AHCYL2: variants seen among roughly 807,000 people sequenced by gnomAD.
AHCYL2 encodes adenosylhomocysteinase like 2, also known as S-adenosylhomocysteine hydrolase-like protein 2.
A neutral mutation model predicts 81.4 loss-of-function variants in AHCYL2; 28 were observed. The ratio of observed to expected loss-of-function variants is 0.34; its 90% CI spans 0.25 to 0.47. The LOEUF (loss-of-function observed/expected upper bound fraction) is 0.47, where lower values mean the gene tolerates loss of function less well. AHCYL2 is among the 20% of genes least tolerant of loss of function. The pLI is 1.00. For missense variants in AHCYL2, 551 were observed against 785.1 expected, an observed-to-expected ratio of 0.70 and a Z score of 3.56; for synonymous variants, 272 against 290.2, an observed-to-expected ratio of 0.94 and a Z score of 0.64.
In AHCYL2 at chr7:129,389,151, A is replaced by G. The variant is rs988816413; in HGVS notation, c.571A>G (p.Ile191Val). ...AAGCAGTGACTTCTGTGTTAAGAAC[A>G]TCAAACAGGCAGAGTTTGGACGAAG... is the stretch of plus-strand genomic sequence containing the variant. Reference protein sequence around the residue: ...KGSSDFCVKNIKQAEFGRREI... With the variant: ...KGSSDFCVKNVKQAEFGRREI... The change falls in exon 3 of 17, where the codon ATC becomes GTC. Residue 191 changes from isoleucine to valine, a missense_variant. Ile to Val is a conservative substitution (Grantham distance 29). Coordinates refer to ENST00000325006, the MANE Select transcript of AHCYL2 (RefSeq NM_015328.4). The G allele has an allele frequency of 4.3e-6, 7 of 1,614,032 alleles. No individual in the cohort carries two copies. The highest frequency in any genetic ancestry group is 3.3e-5 in the Admixed American group (2 of 60,010).
Position 129,349,061 on chromosome 7 carries a change from CTTT to C in AHCYL2, c.364-30575_364-30573del, listed in dbSNP as rs1793459740. Among the ~76,000 whole-genome samples, 6 of 152,250 alleles carry C rather than the reference CTTT, an allele frequency of 3.9e-5. No individual in the cohort carries two copies. In the South Asian group the frequency reaches 1.2e-3, roughly 32 times the overall value. On this transcript the variant is annotated intron_variant, in intron 1 of 16. Coordinates refer to ENST00000325006, the MANE Select transcript of AHCYL2 (RefSeq NM_015328.4). ...TCTGGCTGACTTTTATTCCTCACAA[CTTT>C]TATCTTTTCTAAATATATCATGTCT...
intron 2 of AHCYL2, among the ~76,000 whole-genome samples, chr7:129,381,266 C>A (rs1432654580): frequency 6.6e-6 from 1 of 152,106 alleles, no homozygotes; most frequent in Non-Finnish European, 1.5e-5. Context: ...ACATATCCAA[C>A]TATATTCCTG....
intron 1 of AHCYL2, among the ~76,000 whole-genome samples, chr7:129,320,769 C>G (rs1797986525): frequency 6.6e-6 from 1 of 152,140 alleles, no homozygotes; most frequent in Non-Finnish European, 1.5e-5. Flanking sequence ...ATTCCCCTAC[C>G]CATTAGTGGT....
At chr7:129,375,223 G>A (rs1794622001) in intron 1 of AHCYL2, among the ~76,000 whole-genome samples, 1 of 152,194 alleles carries the variant, frequency 6.6e-6, no homozygotes, top group Admixed American at 6.5e-5. Context: ...GCAGTGAACT[G>A]AGAAAATTGA....
chr7:129,402,019 T>A (rs984430703), intron 6 of AHCYL2, among the ~76,000 whole-genome samples: 12 of 152,192 alleles, frequency 7.9e-5, no homozygotes, highest in African/African-American at 2.9e-4. Flanking sequence ...CAGCATTCAT[T>A]AAGTAAATCT....
intron 1 of AHCYL2, among the ~76,000 whole-genome samples, chr7:129,338,642 C>T (rs1793049502): frequency 6.6e-6 from 1 of 152,172 alleles, no homozygotes. Flanking sequence ...TTTCAATTTA[C>T]ATTTCTCTTT....
At chr7:129,236,409 CAGG>C (rs1794645971) in intron 1 of AHCYL2, among the ~76,000 whole-genome samples, 1 of 151,848 alleles carries the variant, frequency 6.6e-6, no homozygotes, top group Admixed American at 6.6e-5. Flanking sequence ...CGGTGTTGCC[CAGG>C]ATGGTCTTGA....
At chr7:129,343,428 C>T (rs547152839) in intron 1 of AHCYL2, among the ~76,000 whole-genome samples, 2 of 152,244 alleles carry the variant, frequency 1.3e-5, no homozygotes, top group South Asian at 4.1e-4. Context: ...ATTAAGGCAC[C>T]TTCCCTGCTA....
At chr7:129,336,186 G>A (rs965547870) in intron 1 of AHCYL2, among the ~76,000 whole-genome samples, 3 of 149,004 alleles carry the variant, frequency 2.0e-5, no homozygotes, top group Non-Finnish European at 4.4e-5. Flanking sequence ...TCCTGCCTCA[G>A]CCTCCCAAGT....
intron 1 of AHCYL2, among the ~76,000 whole-genome samples, chr7:129,242,294 T>C (rs1262866834): frequency 1.3e-5 from 2 of 151,870 alleles, no homozygotes; most frequent in African/African-American, 4.8e-5. Flanking sequence ...CTTCCTAACG[T>C]GTTGGGATTC....
At chr7:129,276,145 A>G (rs1286061482) in intron 1 of AHCYL2, among the ~76,000 whole-genome samples, 3 of 151,904 alleles carry the variant, frequency 2.0e-5, no homozygotes, top group African/African-American at 7.2e-5. Context: ...CAAAGAAAAA[A>G]TAATAATGGA....
intron 1 of AHCYL2, among the ~76,000 whole-genome samples, chr7:129,339,957 C>T (rs1161558603): frequency 1.7e-4 from 20 of 120,580 alleles, no homozygotes; most frequent in South Asian, 5.1e-4. Flanking sequence ...CTCGCTCCGT[C>T]GCCCAGGCTG....
chr7:129,328,446 G>A (rs1343877479), intron 1 of AHCYL2, among the ~76,000 whole-genome samples: 2 of 152,012 alleles, frequency 1.3e-5, no homozygotes, highest in Non-Finnish European at 2.9e-5. Flanking sequence ...AAAGCGCTGG[G>A]ATTACAGGCT....
chr7:129,246,011 T>C (rs1018324693), intron 1 of AHCYL2, among the ~76,000 whole-genome samples: 4 of 152,206 alleles, frequency 2.6e-5, no homozygotes, highest in Non-Finnish European at 5.9e-5. Context: ...ACAACACTTA[T>C]TTCGTTTTTT....
rs183025363 is a variant in AHCYL2, at chr7:129,378,172, C to A, written c.364-1466C>A. Among the ~76,000 whole-genome samples the A allele has an allele frequency of 3.4e-3, 523 of 152,112 alleles. 5 individuals carry two copies. Among genetic ancestry groups the A allele is most frequent in the Non-Finnish European group, 5.0e-3 (343 of 67,974 alleles). ...ACTAAAAATACAAAAATTAGCTGGGCATGGTGGCACACACCTGTACTCCCA... is the reference window on the plus strand; with the variant it reads ...ACTAAAAATACAAAAATTAGCTGGGAATGGTGGCACACACCTGTACTCCCA... On this transcript the variant is annotated intron_variant, in intron 1 of 16. Coordinates refer to ENST00000325006, the MANE Select transcript of AHCYL2 (RefSeq NM_015328.4).
At chr7:129,408,366 G>A (rs754253478) in intron 10 of AHCYL2, among the ~76,000 whole-genome samples, 15 of 152,094 alleles carry the variant, frequency 9.9e-5, no homozygotes, top group Non-Finnish European at 1.6e-4. Context: ...TGAAAGAGAC[G>A]TTTATGGAAT....
chr7:129,269,112 T>C (rs555919181), intron 1 of AHCYL2, among the ~76,000 whole-genome samples: 37 of 146,186 alleles, frequency 2.5e-4, no homozygotes, highest in African/African-American at 9.2e-4. Context: ...TTCTTTTCTT[T>C]TTTTCCTAAA....
intron 2 of AHCYL2, among the ~76,000 whole-genome samples, chr7:129,382,026 C>G (rs1278379567): frequency 1.3e-5 from 2 of 152,100 alleles, no homozygotes; most frequent in African/African-American, 2.4e-5. Context: ...ACTAGAAATG[C>G]CTACTATCCT....
At chr7:129,235,711 A>G (rs1166380152) in intron 1 of AHCYL2, among the ~76,000 whole-genome samples, 1 of 152,174 alleles carries the variant, frequency 6.6e-6, no homozygotes, top group Non-Finnish European at 1.5e-5. Context: ...ACTTGTACAT[A>G]AATAAAAGCA....
Sources: gnomAD v4.1 joint callset for allele counts (sites outside exome capture counted in the v4.1 genomes callset) on GRCh38, gnomAD v4.1.1 for gene constraint, MANE v1.5 for transcripts, NCBI Gene and HGNC (gene_info 2026-07-23, HGNC 2026-07-21) for gene names.